IFT74: variants seen among roughly 807,000 people sequenced by gnomAD.
IFT74 encodes the protein intraflagellar transport protein 74 homolog.
IFT74 carries 92 observed loss-of-function variants against 96.7 expected under a neutral mutation model. That is an observed-to-expected ratio of 0.95 (90% CI 0.80 to 1.13). IFT74 has a LOEUF of 1.13. Ranked by LOEUF, IFT74 falls within the 50% of genes most tolerant of loss-of-function variation. The pLI, the probability that IFT74 is intolerant of heterozygous loss-of-function variation, is 0.00. For synonymous variants in IFT74, 223 were observed against 213.2 expected (o/e 1.05, Z -0.40); for missense variants, 811 against 698.2 (o/e 1.16, Z -1.82).
At chr9:26,977,670 G>A (rs980812714) in intron 2 of IFT74, among the ~76,000 whole-genome samples, 3 of 151,928 alleles carry the variant, frequency 2.0e-5, no homozygotes, top group Non-Finnish European at 4.4e-5. Context: ...TGTATTTTTA[G>A]TAGTGATGGG....
chr9:26,969,840 A>G (rs1175496088), intron 2 of IFT74, among the ~76,000 whole-genome samples: 1 of 152,104 alleles, frequency 6.6e-6, no homozygotes. Flanking sequence ...TACTTTAGGA[A>G]TGGCCTAGTG....
chr9:26,974,716 G>A (rs1449810247), intron 2 of IFT74, among the ~76,000 whole-genome samples: 4 of 152,040 alleles, frequency 2.6e-5, no homozygotes, highest in Admixed American at 1.3e-4. Context: ...TTTCTCCTCC[G>A]AAAAGAGGAT....
intron 12 of IFT74, 94 bp from the exon 13 acceptor site, chr9:27,028,931 A>G (rs975981635): frequency 3.7e-6 from 4 of 1,095,848 alleles, no homozygotes; most frequent in Non-Finnish European, 5.2e-6. Flanking sequence ...GATATTGTTT[A>G]TGCAACTTGG....
intron 11 of IFT74, among the ~76,000 whole-genome samples, 165 bp downstream of exon 11, chr9:27,017,215 TTA>T (rs1230415578): frequency 2.0e-5 from 3 of 150,078 alleles, no homozygotes; most frequent in Non-Finnish European, 4.5e-5. Context: ...TCTTCCTCTT[TTA>T]TTATTATTAT....
intron 6 of IFT74, among the ~76,000 whole-genome samples, chr9:26,987,869 C>A (rs1827703176): frequency 6.6e-6 from 1 of 151,896 alleles, no homozygotes. Flanking sequence ...TCTGTGCAAG[C>A]CCTGTTGATT....
intron 10 of IFT74, among the ~76,000 whole-genome samples, chr9:27,012,959 C>T (rs1407838828): frequency 3.9e-5 from 6 of 151,952 alleles, no homozygotes; most frequent in South Asian, 4.2e-4. Context: ...CCTTGTGATC[C>T]GCCCACCTCG....
intron 2 of IFT74, among the ~76,000 whole-genome samples, chr9:26,974,415 G>A (rs951491644): frequency 6.6e-6 from 1 of 152,132 alleles, no homozygotes; most frequent in Non-Finnish European, 1.5e-5. Flanking sequence ...ATTTAGGCCT[G>A]CATACTGTTT....
intron 1 of IFT74, chr9:26,947,155 C>A (rs1276279822): frequency 6.3e-6 from 8 of 1,278,886 alleles, no homozygotes; most frequent in African/African-American, 1.6e-5. Context: ...AGGTAAGGGG[C>A]GGCCGGAGAC....
At chr9:27,059,523 A>G (rs745945480) in intron 18 of IFT74, among the ~76,000 whole-genome samples, 26 of 152,312 alleles carry the variant, frequency 1.7e-4, no homozygotes, top group South Asian at 4.1e-4. Context: ...AACAATGACA[A>G]AAAAGTCTGG....
At chr9:27,045,268 G>T (rs772481578) in intron 14 of IFT74, among the ~76,000 whole-genome samples, 4 of 152,132 alleles carry the variant, frequency 2.6e-5, no homozygotes, top group Admixed American at 6.6e-5. Context: ...AACCCCTGAT[G>T]ATCTCAGGTA....
At chr9:26,995,351 G>C (rs1828087460) in intron 8 of IFT74, 1 of 539,980 alleles carries the variant, frequency 1.9e-6, no homozygotes, top group Non-Finnish European at 3.3e-6. Flanking sequence ...TACTGTATTT[G>C]AACCTGCTTG....
At chr9:27,054,062 A>G (rs1820051926) in intron 16 of IFT74, among the ~76,000 whole-genome samples, 1 of 152,218 alleles carries the variant, frequency 6.6e-6, no homozygotes, top group Non-Finnish European at 1.5e-5. Context: ...TTAAAGGGAT[A>G]AAAGGAAACA....
chr9:27,021,474 A>T (rs1438432357), intron 12 of IFT74, among the ~76,000 whole-genome samples: 1 of 152,122 alleles, frequency 6.6e-6, no homozygotes, highest in Non-Finnish European at 1.5e-5. Context: ...TTCCCTTTTC[A>T]CCACATCCAC....
upstream of IFT74, among the ~76,000 whole-genome samples, chr9:26,953,969 C>T (rs1649489852): frequency 2.0e-5 from 3 of 152,220 alleles, no homozygotes; most frequent in African/African-American, 7.2e-5. Context: ...TTGCCCTTGA[C>T]TCTACTGAGT....
intron 9 of IFT74, among the ~76,000 whole-genome samples, chr9:27,009,546 T>C (rs1247745113): frequency 6.6e-6 from 1 of 152,204 alleles, no homozygotes; most frequent in Non-Finnish European, 1.5e-5. Flanking sequence ...TTAAAAAGTC[T>C]GTAAATACTT....
intron 1 of IFT74, among the ~76,000 whole-genome samples, chr9:26,948,780 G>A (rs1343787064): frequency 6.6e-6 from 1 of 151,834 alleles, no homozygotes; most frequent in East Asian, 1.9e-4. Context: ...CATTCTTATA[G>A]TACAGCATTA....
At chr9:27,018,083 G>A (rs886303998) in intron 11 of IFT74, among the ~76,000 whole-genome samples, 4 of 152,088 alleles carry the variant, frequency 2.6e-5, no homozygotes, top group East Asian at 1.9e-4. Context: ...AAGATGGGGA[G>A]GAGTGATCTT....
chr9:27,007,166 A>G (rs893319097), intron 8 of IFT74, among the ~76,000 whole-genome samples: 3 of 152,094 alleles, frequency 2.0e-5, no homozygotes, highest in African/African-American at 7.2e-5. Context: ...CACCATCATC[A>G]GTGGTTTTAC....
At chr9:26,982,708 G>A (rs1827440651) in intron 4 of IFT74, among the ~76,000 whole-genome samples, 1 of 151,964 alleles carries the variant, frequency 6.6e-6, no homozygotes, top group Admixed American at 6.6e-5. Flanking sequence ...GCCCACCTTG[G>A]CCTCTTAGAG....
Sources: gnomAD v4.1 joint callset for allele counts (sites outside exome capture counted in the v4.1 genomes callset) on GRCh38, gnomAD v4.1.1 for gene constraint, MANE v1.5 for transcripts, NCBI Gene and HGNC (gene_info 2026-07-23, HGNC 2026-07-21) for gene names.